The following FAF1 variants were observed in gnomAD, a reference collection of about 807,000 sequenced individuals.
FAF1 encodes the protein FAS-associated factor 1.
FAF1 carries 25 observed loss-of-function variants against 92.5 expected under a neutral mutation model. The ratio of observed to expected loss-of-function variants is 0.27; its 90% CI spans 0.20 to 0.38. The LOEUF is 0.38. Ranked by LOEUF, FAF1 falls within the 10% of genes least tolerant of loss-of-function variation. FAF1 has a pLI of 1.00. For missense variants in FAF1, 636 were observed against 793.3 expected, an observed-to-expected ratio of 0.80 and a Z score of 2.38; for synonymous variants, 234 against 273.2, an observed-to-expected ratio of 0.86 and a Z score of 1.42.
chr1:50,824,864 T>A (rs1644080616), intron 2 of FAF1, among the ~76,000 whole-genome samples: 1 of 152,182 alleles, frequency 6.6e-6, no homozygotes, highest in Middle Eastern at 3.4e-3. Flanking sequence ...ACAAATTACA[T>A]GTTCTCATTC....
chr1:50,796,894 C>T (rs538499954), intron 3 of FAF1, among the ~76,000 whole-genome samples: 206 of 152,228 alleles, frequency 1.4e-3, no homozygotes, highest in African/African-American at 4.7e-3. Flanking sequence ...CTTTGGGAGG[C>T]CGAGGCAGGA....
chr1:50,858,079 A>T, intron 1 of FAF1, 82 bp from the exon 2 acceptor site: 1 of 928,186 alleles, frequency 1.1e-6, no homozygotes, highest in Non-Finnish European at 1.7e-6. Flanking sequence ...AAATAGCATA[A>T]TATGTAATTT....
At chr1:50,676,456 T>A (rs1056251328) in intron 7 of FAF1, among the ~76,000 whole-genome samples, 4 of 151,574 alleles carry the variant, frequency 2.6e-5, no homozygotes, top group African/African-American at 9.7e-5. Flanking sequence ...ATTTGCCACT[T>A]ATTTCAGTAA....
Position 50,694,612 on chromosome 1 carries a change from G to A in FAF1, c.657+11174C>T, listed in dbSNP as rs566283044. ...CAAAACTTTATTAAGTATTTGCTAT[G>A]GTAACTACCATAACGTGATAACAAT... On this transcript the variant is annotated intron_variant, in intron 7 of 18. Coordinates refer to ENST00000396153, the MANE Select transcript of FAF1 (RefSeq NM_007051.3). 5.3e-5 allele frequency among the ~76,000 whole-genome samples: 8 copies of A among 150,810 alleles called. 1 individual carries two copies. In the South Asian group the frequency reaches 1.7e-3, roughly 31 times the overall value.
chr1:50,736,619 T>C (rs1315840977), intron 6 of FAF1, among the ~76,000 whole-genome samples: 1 of 152,004 alleles, frequency 6.6e-6, no homozygotes, highest in African/African-American at 2.4e-5. Flanking sequence ...GGCGTAGTGG[T>C]GGGCACCTGT....
intron 1 of FAF1, among the ~76,000 whole-genome samples, chr1:50,875,697 C>A (rs867668196): frequency 6.6e-6 from 1 of 152,114 alleles, no homozygotes; most frequent in Non-Finnish European, 1.5e-5. Context: ...GTGATCCACC[C>A]CCCTCGGCCT....
intron 8 of FAF1, among the ~76,000 whole-genome samples, chr1:50,624,524 A>G (rs1653401480): frequency 6.6e-6 from 1 of 152,244 alleles, no homozygotes; most frequent in African/African-American, 2.4e-5. Flanking sequence ...TAAACAAAAC[A>G]AACAAAAACA....
At chr1:50,613,323 C>T (rs1189033098) in intron 8 of FAF1, among the ~76,000 whole-genome samples, 1 of 152,162 alleles carries the variant, frequency 6.6e-6, no homozygotes, top group African/African-American at 2.4e-5. Context: ...GTCACAAAGA[C>T]TTAAAACTAC....
intron 6 of FAF1, among the ~76,000 whole-genome samples, chr1:50,725,369 T>C (rs1037293567): frequency 6.6e-6 from 1 of 152,110 alleles, no homozygotes; most frequent in Non-Finnish European, 1.5e-5. Context: ...CACTGGAAAA[T>C]ATAAGAACTC....
At chr1:50,923,047 A>T (rs1211748961) in intron 1 of FAF1, among the ~76,000 whole-genome samples, 1 of 152,156 alleles carries the variant, frequency 6.6e-6, no homozygotes, top group African/African-American at 2.4e-5. Context: ...CTAGATACAG[A>T]TAACTACCAA....
At chr1:50,665,358 A>G (rs1454243303) in intron 7 of FAF1, among the ~76,000 whole-genome samples, 2 of 152,232 alleles carry the variant, frequency 1.3e-5, no homozygotes, top group Non-Finnish European at 2.9e-5. Flanking sequence ...TAAAGACATA[A>G]TCATACCTGT....
At chr1:50,725,152 A>G (rs989412927) in intron 6 of FAF1, among the ~76,000 whole-genome samples, 2 of 152,118 alleles carry the variant, frequency 1.3e-5, no homozygotes, top group Non-Finnish European at 2.9e-5. Context: ...ACTGATTTCT[A>G]TGTGTCTAAT....
intron 8 of FAF1, among the ~76,000 whole-genome samples, chr1:50,625,416 A>G (rs533617223): frequency 6.6e-6 from 1 of 152,374 alleles, no homozygotes; most frequent in Admixed American, 6.5e-5. Flanking sequence ...GTTCACAAAC[A>G]GTAGTGAATA....
intron 15 of FAF1, among the ~76,000 whole-genome samples, chr1:50,512,894 T>C (rs1414935255): frequency 6.6e-6 from 1 of 152,186 alleles, no homozygotes; most frequent in East Asian, 1.9e-4. Flanking sequence ...ATTTTCACTG[T>C]CTATCTATTG....
intron 4 of FAF1, among the ~76,000 whole-genome samples, chr1:50,757,575 A>G (rs1660125927): frequency 6.6e-6 from 1 of 152,156 alleles, no homozygotes; most frequent in African/African-American, 2.4e-5. Flanking sequence ...CCTTCAGGTT[A>G]TGATTACAAT....
intron 13 of FAF1, among the ~76,000 whole-genome samples, chr1:50,543,518 A>G (rs17382975): frequency 0.058 from 8,871 of 152,294 alleles, 360 homozygotes; most frequent in Non-Finnish European, 0.085. Flanking sequence ...TCTTCTTGTA[A>G]GGATGAAATA....
chr1:50,929,840 T>A (rs1645034962), intron 1 of FAF1, among the ~76,000 whole-genome samples: 1 of 152,230 alleles, frequency 6.6e-6, no homozygotes, highest in African/African-American at 2.4e-5. Context: ...TTATAATTAT[T>A]ATAAGCTATA....
chr1:50,800,204 C>T (rs1661934390), intron 3 of FAF1, among the ~76,000 whole-genome samples: 1 of 152,160 alleles, frequency 6.6e-6, no homozygotes, highest in African/African-American at 2.4e-5. Context: ...TGGAATGTTT[C>T]CAGGGGAGAA....
intron 1 of FAF1, among the ~76,000 whole-genome samples, chr1:50,931,512 G>A (rs1457557948): frequency 2.0e-5 from 3 of 152,150 alleles, no homozygotes; most frequent in African/African-American, 7.2e-5. Context: ...AAATGAGGAA[G>A]AAGCAAAAGC....
Sources: allele counts gnomAD v4.1 joint callset (sites outside exome capture counted in the v4.1 genomes callset), GRCh38; gene constraint gnomAD v4.1.1; transcripts MANE v1.5; gene names NCBI Gene and HGNC (gene_info 2026-07-23, HGNC 2026-07-21).